Variants in PRKN observed in about 807,000 individuals in gnomAD.
The protein encoded by PRKN is E3 ubiquitin-protein ligase parkin.
PRKN carries 56 observed loss-of-function variants against 59.5 expected under a neutral mutation model. The ratio of observed to expected loss-of-function variants is 0.94; its 90% CI spans 0.76 to 1.18. PRKN has a LOEUF of 1.18. PRKN is among the 50% of genes most tolerant of loss of function. The probability of loss-of-function intolerance (pLI) is 0.00; values close to 1 mark genes in which losing one functional copy is unlikely to be tolerated. For synonymous variants in PRKN, 250 were observed against 222.1 expected (o/e 1.13, Z -1.12); for missense variants, 657 against 596.4 (o/e 1.10, Z -1.06).
At chr6:161,839,836 G>A (rs73603108) in intron 6 of PRKN, among the ~76,000 whole-genome samples, 1,988 of 152,270 alleles carry the variant, frequency 0.013, 53 homozygotes, top group African/African-American at 0.045. Context: ...GCACATACCC[G>A]TGTGCAAATA....
intron 5 of PRKN, among the ~76,000 whole-genome samples, chr6:162,044,159 C>T (rs1234716815): frequency 3.3e-5 from 5 of 152,192 alleles, no homozygotes; most frequent in Admixed American, 6.6e-5. Flanking sequence ...TTCTCTTTTA[C>T]TCTTTTTGTT....
In PRKN at chr6:161,914,673, G is replaced by A. The variant is rs142153674; in HGVS notation, c.734+58629C>T. ...AATCTACACTTTGGCCTCATACATG[G>A]ATATAGCGTGTTGGTTGGTACCATG... On this transcript the variant is annotated intron_variant, in intron 6 of 11. Coordinates refer to ENST00000366898, the MANE Select transcript of PRKN (RefSeq NM_004562.3). Among the ~76,000 whole-genome samples, 799 of 152,160 alleles carry A rather than the reference G, an allele frequency of 5.3e-3. 3 individuals carry two copies. The highest frequency in any genetic ancestry group is 0.014 in the Middle Eastern group (4 of 292).
At chr6:161,875,130 T>G (rs1020688759) in intron 6 of PRKN, among the ~76,000 whole-genome samples, 1 of 131,156 alleles carries the variant, frequency 7.6e-6, no homozygotes, top group Non-Finnish European at 1.5e-5. Context: ...AAGTATATAT[T>G]ATATATAATA....
At chr6:161,776,448 A>G (rs1318592816) in intron 7 of PRKN, among the ~76,000 whole-genome samples, 1 of 152,138 alleles carries the variant, frequency 6.6e-6, no homozygotes, top group Non-Finnish European at 1.5e-5. Flanking sequence ...GTACTGAAAA[A>G]CTCATGCTAG....
intron 1 of PRKN, among the ~76,000 whole-genome samples, chr6:162,687,501 G>C (rs754896209): frequency 6.6e-6 from 1 of 151,896 alleles, no homozygotes; most frequent in South Asian, 2.1e-4. Context: ...AGTCTTTTAT[G>C]GAGAAATAGA....
At chr6:161,427,246 T>C (rs145527928) in intron 9 of PRKN, among the ~76,000 whole-genome samples, 1 of 152,270 alleles carries the variant, frequency 6.6e-6, no homozygotes, top group East Asian at 1.9e-4. Context: ...TCTTGAACTC[T>C]TGGACTCAAG....
intron 9 of PRKN, among the ~76,000 whole-genome samples, chr6:161,441,505 C>T (rs55935751): frequency 0.017 from 2,578 of 151,910 alleles, 46 homozygotes; most frequent in East Asian, 0.056. Flanking sequence ...ATTTGCTGGG[C>T]GTGGTGGCAC....
chr6:162,591,968 A>G (rs1287738921), intron 1 of PRKN, among the ~76,000 whole-genome samples: 1 of 151,472 alleles, frequency 6.6e-6, no homozygotes, highest in Admixed American at 6.6e-5. Flanking sequence ...CACAGTTTAC[A>G]AAGAGTCTTC....
chr6:162,076,210 C>A (rs986153903), intron 4 of PRKN, among the ~76,000 whole-genome samples: 1 of 152,010 alleles, frequency 6.6e-6, no homozygotes, highest in Non-Finnish European at 1.5e-5. Flanking sequence ...CTCAAGTGAT[C>A]CCCCAGCATT....
At position 162,333,319 on chromosome 6, in the gene PRKN, T is replaced by C. The variant is rs568731919; in HGVS notation, c.172-70554A>G. 3.6e-4 allele frequency among the ~76,000 whole-genome samples: 55 copies of C among 152,108 alleles called. 1 individual carries two copies. The highest frequency in any genetic ancestry group is 3.2e-3 in the Admixed American group (49 of 15,272). On this transcript the variant is annotated intron_variant, in intron 2 of 11. Coordinates refer to ENST00000366898, the MANE Select transcript of PRKN (RefSeq NM_004562.3). ...CCTCTTGTCATTGTGCTTCAAGTTG[T>C]TGTGCTTTGAAGATACTGCATTTTT...
At chr6:162,378,298 C>T (rs1043323544) in intron 2 of PRKN, among the ~76,000 whole-genome samples, 3 of 152,190 alleles carry the variant, frequency 2.0e-5, no homozygotes, top group Non-Finnish European at 2.9e-5. Context: ...TTCTGTCTCT[C>T]GTTCTTCCTA....
intron 5 of PRKN, among the ~76,000 whole-genome samples, chr6:161,980,199 ATTGT>A (rs1310092037): frequency 1.3e-5 from 2 of 152,164 alleles, no homozygotes; most frequent in Admixed American, 6.5e-5. Flanking sequence ...GTTTATAGAT[ATTGT>A]TTAACAATTA....
intron 7 of PRKN, among the ~76,000 whole-genome samples, chr6:161,770,047 C>T (rs1158434497): frequency 1.3e-5 from 2 of 152,136 alleles, no homozygotes; most frequent in African/African-American, 4.8e-5. Context: ...TGAATCTTTA[C>T]ATTTACAAAG....
chr6:162,193,914 G>C (rs978645837), intron 4 of PRKN, among the ~76,000 whole-genome samples: 3 of 152,140 alleles, frequency 2.0e-5, no homozygotes, highest in African/African-American at 7.2e-5. Context: ...AAGAGAAGAG[G>C]TGTTCACCTA....
At chr6:162,470,515 C>A (rs901133400) in intron 1 of PRKN, among the ~76,000 whole-genome samples, 1 of 151,896 alleles carries the variant, frequency 6.6e-6, no homozygotes, top group Non-Finnish European at 1.5e-5. Flanking sequence ...CGCTTGAACC[C>A]GGGAGGCGGA....
chr6:161,749,059 G>A (rs1263951485), intron 7 of PRKN, among the ~76,000 whole-genome samples: 1 of 152,162 alleles, frequency 6.6e-6, no homozygotes, highest in Non-Finnish European at 1.5e-5. Context: ...GGGGGTCCTT[G>A]TACTTGGTGA....
chr6:161,564,245 T>C (rs73593457), intron 8 of PRKN, among the ~76,000 whole-genome samples: 9,954 of 152,152 alleles, frequency 0.065, 408 homozygotes, highest in African/African-American at 0.11. Flanking sequence ...GGCCAGTAGG[T>C]CTTGTCATGA....
intron 5 of PRKN, among the ~76,000 whole-genome samples, chr6:161,997,387 T>C (rs1781887862): frequency 6.6e-6 from 1 of 152,098 alleles, no homozygotes; most frequent in Admixed American, 6.6e-5. Flanking sequence ...GGGAACTTGA[T>C]CTAAGCCATT....
chr6:162,607,553 T>TAA (rs35819142), intron 1 of PRKN, among the ~76,000 whole-genome samples: 92 of 151,682 alleles, frequency 6.1e-4, no homozygotes, highest in African/African-American at 2.0e-3. Flanking sequence ...TTTTTTTTTT[T>TAA]AATGGGGGAA....
Sources: allele counts gnomAD v4.1 joint callset (sites outside exome capture counted in the v4.1 genomes callset), GRCh38; gene constraint gnomAD v4.1.1; transcripts MANE v1.5; gene names NCBI Gene and HGNC (gene_info 2026-07-23, HGNC 2026-07-21).